ARAP2: variants seen among roughly 807,000 people sequenced by gnomAD.
The protein encoded by ARAP2 is ArfGAP with RhoGAP domain, ankyrin repeat and PH domain 2.
Under a neutral mutation model 194.5 loss-of-function variants are expected in ARAP2, and 148 were observed. The observed-to-expected ratio is 0.76, with a 90% CI of 0.67 to 0.87. The LOEUF (loss-of-function observed/expected upper bound fraction) is 0.87. ARAP2 is among the 40% of genes least tolerant of loss of function. ARAP2 has a pLI of 0.00. For synonymous variants in ARAP2, 695 were observed against 683.5 expected, an observed-to-expected ratio of 1.02 and a Z score of -0.26; for missense variants, 2,128 against 1,989.7, an observed-to-expected ratio of 1.07 and a Z score of -1.32.
intron 5 of ARAP2, among the ~76,000 whole-genome samples, chr4:36,028,269 TTATC>T (rs1417110403): frequency 1.3e-5 from 2 of 152,160 alleles, no homozygotes; most frequent in Non-Finnish European, 2.9e-5. Context: ...ATAATTATGA[TTATC>T]TAGTCTCTAC....
downstream of ARAP2, chr4:36,065,411 GA>G: frequency 5.9e-6 from 3 of 510,702 alleles, no homozygotes; most frequent in East Asian, 5.7e-5. Context: ...CACACTCAGG[GA>G]AAAGAGCTCT....
At chr4:36,244,699 G>T (rs1160919478), upstream of ARAP2, among the ~76,000 whole-genome samples, 1 of 152,108 alleles carries the variant, frequency 6.6e-6, no homozygotes, top group Non-Finnish European at 1.5e-5. Flanking sequence ...GTCAGACCCC[G>T]CTGGGGAAGC....
At chr4:36,164,789 G>GTA (rs1734884414) in intron 11 of ARAP2, 125 bp downstream of exon 11, 1 of 906,650 alleles carries the variant, frequency 1.1e-6, no homozygotes, top group African/African-American at 1.7e-5. Context: ...TGATTTAAAT[G>GTA]TAATAAGCTT....
intron 2 of ARAP2, among the ~76,000 whole-genome samples, chr4:36,052,415 C>T (rs1027209210): frequency 6.6e-6 from 1 of 152,136 alleles, no homozygotes; most frequent in Non-Finnish European, 1.5e-5. Context: ...TCTAAAGCAA[C>T]GCATGCAGGA....
At chr4:36,087,044 C>T (rs1326163016) in intron 28 of ARAP2, among the ~76,000 whole-genome samples, 1 of 151,988 alleles carries the variant, frequency 6.6e-6, no homozygotes, top group African/African-American at 2.4e-5. Context: ...TCCCTTTTAA[C>T]TAAATCATTT....
At chr4:36,041,000 T>A (rs1178986817) in intron 5 of ARAP2, among the ~76,000 whole-genome samples, 2 of 152,170 alleles carry the variant, frequency 1.3e-5, no homozygotes, top group Admixed American at 1.3e-4. Context: ...TGAGGTATGT[T>A]CCTTCAATAC....
chr4:36,040,416 G>C (rs767551651), intron 5 of ARAP2, among the ~76,000 whole-genome samples: 2 of 152,074 alleles, frequency 1.3e-5, no homozygotes, highest in Admixed American at 6.5e-5. Flanking sequence ...GCATTGAACC[G>C]GTAAATTGCT....
intron 19 of ARAP2, among the ~76,000 whole-genome samples, chr4:36,146,544 T>C (rs533722932): frequency 2.6e-5 from 4 of 152,174 alleles, no homozygotes; most frequent in Non-Finnish European, 5.9e-5. Flanking sequence ...CAACACACTC[T>C]TAGCGTTTTC....
At position 36,068,105 on chromosome 4, in the gene ARAP2, T is replaced by G. The variant is rs750238108; in HGVS notation, c.4917A>C (p.Thr1639=). The change falls in exon 33 of 33, where the codon ACA becomes ACC. Residue 1639 remains threonine, a synonymous_variant. Coordinates refer to ENST00000303965, the MANE Select transcript of ARAP2 (RefSeq NM_015230.4). The stretch of plus-strand genomic sequence containing the variant: ...GTTGCCCAAGTGGGGCTTCAGGCTC[T>G]GTGTCCTCCAGGCAGTTGAAACTCC... ...KHRSFNCLED[T]EPEAPLGQPK... is the part of the protein sequence containing the mutation. 1 of 1,614,170 alleles carries G rather than the reference T, an allele frequency of 6.2e-7. No individual in the cohort carries two copies. Among genetic ancestry groups the G allele is most frequent in the East Asian group, 2.2e-5 (1 of 44,880 alleles).
chr4:36,033,163 G>T (rs1252423199), intron 5 of ARAP2, among the ~76,000 whole-genome samples: 1 of 152,232 alleles, frequency 6.6e-6, no homozygotes, highest in African/African-American at 2.4e-5. Flanking sequence ...ATGGTAGAAT[G>T]ATTTATCTTA....
intron 11 of ARAP2, 114 bp from the exon 12 acceptor site, chr4:36,161,664 T>A: frequency 4.0e-6 from 3 of 752,284 alleles, no homozygotes; most frequent in Non-Finnish European, 6.7e-6. Flanking sequence ...CTTCTCAACT[T>A]AAAACACACC....
chr4:36,217,007 C>T (rs75896856), intron 2 of ARAP2, among the ~76,000 whole-genome samples: 5,650 of 152,238 alleles, frequency 0.037, 120 homozygotes, highest in South Asian at 0.062. Flanking sequence ...TGCAGGACTG[C>T]ATATTCTATC....
At chr4:36,234,671 G>A (rs1468264150) in intron 1 of ARAP2, among the ~76,000 whole-genome samples, 1 of 152,102 alleles carries the variant, frequency 6.6e-6, no homozygotes, top group Admixed American at 6.5e-5. Context: ...AATCATGGGA[G>A]TAATATTAGT....
rs544121162 is a variant in ARAP2, at chr4:36,158,789, A to C, written c.2693T>G (p.Phe898Cys). ...AGCAGCAGAAGGAGCTTGATATAAAAAGTCACAGAGGAATGTGGACTGGGA... is the reference window on the plus strand; with the variant it reads ...AGCAGCAGAAGGAGCTTGATATAAACAGTCACAGAGGAATGTGGACTGGGA... The part of the protein sequence containing the change: ...ESSQSTFLCD[F>C]LYQAPSAASK... The change falls in exon 15 of 33, where the codon TTT (phenylalanine) becomes TGT (cysteine). Residue 898 changes from phenylalanine to cysteine, a missense_variant. Transcript: ENST00000303965. 1.1e-5 allele frequency: 17 copies of C among 1,612,322 alleles called. No individual in the cohort carries two copies. The highest frequency in any genetic ancestry group is 1.4e-5 in the Non-Finnish European group (16 of 1,179,410).
Position 36,148,495 on chromosome 4 carries a change from G to A in ARAP2, c.2910C>T (p.Ile970=). The A allele has an allele frequency of 6.2e-7, 1 of 1,612,284 alleles. No homozygotes were observed. The highest frequency in any genetic ancestry group is 1.1e-5 in the South Asian group (1 of 90,954). Reference sequence around the variant, plus strand: ...GTTCGGAGGGTAAGTAGATCTCAAAGATAAAGATGGGCCTAAAACATGCAC... The same window carrying A: ...GTTCGGAGGGTAAGTAGATCTCAAAAATAAAGATGGGCCTAAAACATGCAC... The part of the protein sequence containing the change: ...DFYLNTGPIF[I]FEIYLPSERV... The change falls in exon 17 of 33, where the codon ATC becomes ATT. Residue 970 remains isoleucine, a synonymous_variant. Transcript: ENST00000303965.
intron 22 of ARAP2, among the ~76,000 whole-genome samples, chr4:36,122,872 A>ATAGTAACTCCATCAAATGAATG (rs1164379059): frequency 6.6e-6 from 1 of 151,832 alleles, no homozygotes; most frequent in Admixed American, 6.6e-5. Flanking sequence ...TCAAATGAAT[A>ATAGTAACTCCATCAAATGAATG]TAGTAACTCC....
At position 36,210,341 on chromosome 4, in the gene ARAP2, T is replaced by C. The variant is rs781012168; in HGVS notation, c.1487+49A>G. 5.3e-6 allele frequency: 8 copies of C among 1,508,548 alleles called. No individual in the cohort carries two copies. The East Asian group carries it at 1.8e-4, about 34-fold the overall frequency. The allele number at this position is 1,508,548 out of a possible 1,614,324, so 93.4% of individuals were successfully genotyped here. ...CTGGAGGTTTAGAAATGAATAAACT[T>C]GAAATTTTAAAAATATGCCACTTAT... On this transcript the variant is annotated intron_variant, in intron 6 of 32. Coordinates refer to ENST00000303965, the MANE Select transcript of ARAP2 (RefSeq NM_015230.4).
intron 24 of ARAP2, among the ~76,000 whole-genome samples, chr4:36,118,226 T>C (rs1275973226): frequency 6.6e-6 from 1 of 151,052 alleles, no homozygotes; most frequent in Non-Finnish European, 1.5e-5. Flanking sequence ...GTTGACACTT[T>C]TGCTTTTCAC....
chr4:36,095,106 G>A (rs1200174918), intron 27 of ARAP2, among the ~76,000 whole-genome samples: 21 of 152,202 alleles, frequency 1.4e-4, no homozygotes, highest in Admixed American at 1.4e-3. Flanking sequence ...TCCTTCCCAG[G>A]AAAACTCTGG....
Sources: gnomAD v4.1 joint callset for allele counts (sites outside exome capture counted in the v4.1 genomes callset) on GRCh38, gnomAD v4.1.1 for gene constraint, MANE v1.5 for transcripts, NCBI Gene and HGNC (gene_info 2026-07-23, HGNC 2026-07-21) for gene names.